The following PIK3IP1 variants were observed in gnomAD, a reference collection of about 807,000 sequenced individuals.
PIK3IP1 encodes the protein phosphoinositide-3-kinase interacting protein 1, also known as phosphoinositide-3-kinase-interacting protein 1.
PIK3IP1 carries 28 observed loss-of-function variants against 30.7 expected under a neutral mutation model. The observed-to-expected ratio is 0.91, with a 90% CI of 0.68 to 1.25. The LOEUF is 1.25. Ranked by LOEUF, PIK3IP1 falls within the 50% of genes most tolerant of loss-of-function variation. The pLI is 0.00. For missense variants in PIK3IP1, 333 were observed against 346.2 expected (o/e 0.96, Z 0.30); for synonymous variants, 159 against 140.8 (o/e 1.13, Z -0.91).
rs2049100515 is a variant in PIK3IP1, at chr22:31,282,948, T to C, written c.*136A>G. On this transcript the variant is annotated 3_prime_UTR_variant, in exon 6 of 6. Transcript: ENST00000215912. ...CCACAGGGCCACCTGCTTCTGTCAC[T>C]CTTACTAGGATTCGCCAAAAAAGCG... 3 of 681,926 alleles carry C rather than the reference T, an allele frequency of 4.4e-6. No individual in the cohort carries two copies. The highest frequency in any genetic ancestry group is 3.6e-5 in the African/African-American group (2 of 55,106). The allele number at this position is 681,926 out of a possible 1,614,324, so 42.2% of individuals were successfully genotyped here. A position where few individuals can be genotyped will look rare whatever the true frequency, so the allele number is the denominator to read the frequency against.
chr22:31,284,096 G>A (rs986523201), intron 5 of PIK3IP1, among the ~76,000 whole-genome samples: 3 of 152,022 alleles, frequency 2.0e-5, no homozygotes, highest in Non-Finnish European at 4.4e-5. Flanking sequence ...TAGAGATGGG[G>A]TTTCTCCATG....
chr22:31,289,190 C>T, intron 5 of PIK3IP1, 125 bp downstream of exon 5: 1 of 923,082 alleles, frequency 1.1e-6, no homozygotes, highest in Non-Finnish European at 1.7e-6. Flanking sequence ...AGACTAGGAC[C>T]AAGTCTCTAC....
chr22:31,283,330 T>G, intron 5 of PIK3IP1, 42 bp from the exon 6 acceptor site: 1 of 1,583,610 alleles, frequency 6.3e-7, no homozygotes, highest in Non-Finnish European at 8.7e-7. Flanking sequence ...CTATGCCTCC[T>G]GCATAGCTTT....
Position 31,283,199 on chromosome 22 carries a change from G to T in PIK3IP1, c.677C>A (p.Pro226His). ...CTTCTCATCCACAATCTCACAGGTG[G>T]GGTTGGTGAAGGCAGACAAGGGCAG... ...ITLPLSAFTN[P>H]TCEIVDEKTV... Residue 226 changes from proline (P) to histidine (H), a missense_variant, in exon 6 of 6, where the codon CCC becomes CAC. Physicochemically the swap from Pro to His is moderately conservative, Grantham distance 77. Transcript: ENST00000215912. 1.2e-6 allele frequency: 2 copies of T among 1,614,190 alleles called. No homozygotes were observed. Among genetic ancestry groups the T allele is most frequent in the Non-Finnish European group, 1.7e-6 (2 of 1,180,026 alleles).
At chr22:31,285,893 C>A (rs2049127514) in intron 5 of PIK3IP1, among the ~76,000 whole-genome samples, 1 of 152,182 alleles carries the variant, frequency 6.6e-6, no homozygotes, top group Admixed American at 6.5e-5. Context: ...AATCAGGAGG[C>A]TGGGTGCAGT....
In PIK3IP1 at chr22:31,292,358, G is replaced by T. The variant is rs1467147499; in HGVS notation, c.-14C>A. Reference sequence around the variant, plus strand: ...GGCCAACAGCATCCTTGCCTCCTTCGTCTTGCAGGTGATTGAACGACCAGT... The same window carrying T: ...GGCCAACAGCATCCTTGCCTCCTTCTTCTTGCAGGTGATTGAACGACCAGT... On this transcript the variant is annotated 5_prime_UTR_variant, in exon 1 of 6. Transcript: ENST00000215912. 6.2e-7 allele frequency: 1 copy of T among 1,613,624 alleles called. No individual in the cohort carries two copies. Among genetic ancestry groups the T allele is most frequent in the Non-Finnish European group, 8.5e-7 (1 of 1,179,688 alleles).
At chr22:31,284,036 C>G (rs1242043953) in intron 5 of PIK3IP1, among the ~76,000 whole-genome samples, 2 of 152,130 alleles carry the variant, frequency 1.3e-5, no homozygotes, top group Non-Finnish European at 2.9e-5. Context: ...TCCCAAGTAG[C>G]CAGGATTACA....
rs1462555058 is a variant in PIK3IP1, at chr22:31,291,184, C to A, written c.183G>T (p.Val61=). The change falls in exon 2 of 6, where the codon GTG becomes GTT. Residue 61 remains valine (V), a synonymous_variant. Coordinates refer to ENST00000215912, the MANE Select transcript of PIK3IP1 (RefSeq NM_052880.5). ...DAQSGLASAP[V]SGAGNHSYCR... ...CGTCCCCCGGAGGACACTTACCCGACACGGGGGCCGAGGCCAGCCCGCTCT... is the reference window on the plus strand; with the variant it reads ...CGTCCCCCGGAGGACACTTACCCGAAACGGGGGCCGAGGCCAGCCCGCTCT... 7 of 1,546,462 alleles carry A rather than the reference C, an allele frequency of 4.5e-6. No individual in the cohort carries two copies. The highest frequency in any genetic ancestry group is 4.4e-6 in the Non-Finnish European group (5 of 1,145,310).
At chr22:31,289,166 A>G in intron 5 of PIK3IP1, 149 bp downstream of exon 5, 1 of 747,576 alleles carries the variant, frequency 1.3e-6, no homozygotes, top group Non-Finnish European at 2.3e-6. Context: ...GGTTTGTCCA[A>G]GGTCAGCAGA....
rs1230100274 is a variant in PIK3IP1, at chr22:31,283,203, T to C, written c.673A>G (p.Asn225Asp). The change falls in exon 6 of 6, where the codon AAC becomes GAC. Residue 225 changes from asparagine (N) to aspartate (D), a missense_variant. Physicochemically the swap from Asn to Asp is conservative, Grantham distance 23 (BLOSUM62 1). This residue lies in a region of PIK3IP1 where 217 missense variants were observed against 227.7 expected (regional missense o/e 0.95). Coordinates refer to ENST00000215912, the MANE Select transcript of PIK3IP1 (RefSeq NM_052880.5). ...RITLPLSAFTNPTCEIVDEKT... is the reference protein window; with the variant it reads ...RITLPLSAFTDPTCEIVDEKT... ...TCATCCACAATCTCACAGGTGGGGT[T>C]GGTGAAGGCAGACAAGGGCAGAGTG... is the stretch of plus-strand genomic sequence containing the variant. 1 of 1,614,178 alleles carries C rather than the reference T, an allele frequency of 6.2e-7. No homozygotes were observed. The highest frequency in any genetic ancestry group is 8.5e-7 in the Non-Finnish European group (1 of 1,180,012).
rs965994595 is a variant in PIK3IP1 at position 31,281,732 on chromosome 22, T to A, written c.*1352A>T. 1.3e-5 allele frequency: 2 copies of A among 152,664 alleles called. No individual in the cohort carries two copies. Among genetic ancestry groups the A allele is most frequent in the Admixed American group, 1.3e-4 (2 of 15,282 alleles). The allele number at this position is 152,664 out of a possible 1,614,324, so 9.5% of individuals were successfully genotyped here. A position where few individuals can be genotyped will look rare whatever the true frequency, so the allele number is the denominator to read the frequency against. The stretch of plus-strand genomic sequence containing the variant: ...AGTAGAAACCAGTAATATTCTCTTC[T>A]CCAGCATCACTAACACCAAGAGACC... On this transcript the variant is annotated 3_prime_UTR_variant, in exon 6 of 6. Coordinates refer to ENST00000215912, the MANE Select transcript of PIK3IP1 (RefSeq NM_052880.5).
rs2049095593 is a variant in PIK3IP1 at position 31,282,284 on chromosome 22, A to C, written c.*800T>G. On this transcript the variant is annotated 3_prime_UTR_variant, in exon 6 of 6. Transcript: ENST00000215912. Reference sequence around the variant, plus strand: ...TATAATTCCCATAGGTTAGCTAACTACTCTCTTACCTGTGCAAAATGAAGA... The same window carrying C: ...TATAATTCCCATAGGTTAGCTAACTCCTCTCTTACCTGTGCAAAATGAAGA... The C allele has an allele frequency of 6.6e-6, 1 of 152,242 alleles. No individual in the cohort carries two copies. The allele number at this position is 152,242 out of a possible 1,614,324, so 9.4% of individuals were successfully genotyped here. A position where few individuals can be genotyped will look rare whatever the true frequency, so the allele number is the denominator to read the frequency against.
intron 5 of PIK3IP1, among the ~76,000 whole-genome samples, chr22:31,288,404 G>GA: frequency 8.4e-6 from 1 of 119,520 alleles, no homozygotes; most frequent in South Asian, 3.1e-4. Flanking sequence ...AGGAAGGAAA[G>GA]AAAGGGGAAG....
chr22:31,286,083 G>A (rs2049128645), intron 5 of PIK3IP1, among the ~76,000 whole-genome samples: 1 of 151,580 alleles, frequency 6.6e-6, no homozygotes, highest in Non-Finnish European at 1.5e-5. Context: ...TGAGGCAGGA[G>A]AATCACTTGA....
Position 31,282,867 on chromosome 22 carries a change from G to C in PIK3IP1, c.*217C>G. 1 of 532,260 alleles carries C rather than the reference G, an allele frequency of 1.9e-6. No homozygotes were observed. The highest frequency in any genetic ancestry group is 3.4e-6 in the Non-Finnish European group (1 of 295,800). 33.0% of individuals were successfully genotyped at this position (532,260 alleles called of 1,614,324 possible). ...CTGTCTCCATCCACAGACAAAATCT[G>C]CTCCAAGGGATGGACAAGGAGCACT... On this transcript the variant is annotated 3_prime_UTR_variant, in exon 6 of 6. Coordinates refer to ENST00000215912, the MANE Select transcript of PIK3IP1 (RefSeq NM_052880.5).
chr22:31,289,569 C>A lies in PIK3IP1; in HGVS notation c.438G>T (p.Val146=). 1 of 1,558,978 alleles carries A rather than the reference C, an allele frequency of 6.4e-7. No homozygotes were observed. The highest frequency in any genetic ancestry group is 8.7e-7 in the Non-Finnish European group (1 of 1,149,866). The change falls in exon 4 of 6, where the codon GTG becomes GTT. Residue 146 remains valine (V), a synonymous_variant. Transcript: ENST00000215912. ...ALPARSEAAA[V]QPVIGISQRV... ...GCTGGCTGATCCCAATCACTGGCTG[C>A]ACAGCTGCCGCCTCACTCCGAGCGG...
Position 31,292,322 on chromosome 22 carries a change from G to A in PIK3IP1, c.23C>T (p.Ala8Val). The A allele has an allele frequency of 6.2e-7, 1 of 1,614,204 alleles. No homozygotes were observed. Among genetic ancestry groups the A allele is most frequent in the Non-Finnish European group, 8.5e-7 (1 of 1,180,036 alleles). The change falls in exon 1 of 6, where the codon GCA (alanine) becomes GTA (valine). Residue 8 changes from alanine to valine, a missense_variant. Around this residue, in one of 3 missense-constraint regions of PIK3IP1, gnomAD observed 111 missense variants for 100.1 expected, o/e 1.11. Coordinates refer to ENST00000215912, the MANE Select transcript of PIK3IP1 (RefSeq NM_052880.5). ...TAGGAGCATGTTGCTGACGAGGAAT[G>A]CTTGTACCCAGGCCAACAGCATCCT... is the stretch of plus-strand genomic sequence containing the variant. MLLAWVQ[A>V]FLVSNMLLAE...
intron 1 of PIK3IP1, among the ~76,000 whole-genome samples, chr22:31,291,886 A>T (rs2049183523): frequency 6.6e-6 from 1 of 152,184 alleles, no homozygotes; most frequent in African/African-American, 2.4e-5. Flanking sequence ...AAACGGAGGA[A>T]ACCGGCCTCA....
intron 5 of PIK3IP1, among the ~76,000 whole-genome samples, chr22:31,285,994 G>GA: frequency 6.6e-6 from 1 of 152,138 alleles, no homozygotes; most frequent in Non-Finnish European, 1.5e-5. Flanking sequence ...CCAACATGGT[G>GA]AAACCCCGTC....
Sources: gnomAD v4.1 joint callset for allele counts (sites outside exome capture counted in the v4.1 genomes callset) on GRCh38, gnomAD v4.1.1 for gene constraint, gnomAD v4.1.1 regional missense constraint, MANE v1.5 for transcripts, NCBI Gene and HGNC (gene_info 2026-07-23, HGNC 2026-07-21) for gene names.